AGBL4: variants seen among roughly 807,000 people sequenced by gnomAD.
AGBL4 encodes the protein AGBL carboxypeptidase 4.
AGBL4 carries 58 observed loss-of-function variants against 66.4 expected under a neutral mutation model. The ratio of observed to expected loss-of-function variants is 0.87; its 90% CI spans 0.71 to 1.09. AGBL4 has a LOEUF of 1.09. AGBL4 is among the 50% of genes least tolerant of loss of function. AGBL4 has a pLI of 0.00. For synonymous variants in AGBL4, 234 were observed against 222.9 expected, an observed-to-expected ratio of 1.05 and a Z score of -0.44; for missense variants, 579 against 631.0, an observed-to-expected ratio of 0.92 and a Z score of 0.88.
chr1:49,835,985 A>C (rs1263202065), intron 2 of AGBL4, among the ~76,000 whole-genome samples: 1 of 152,100 alleles, frequency 6.6e-6, no homozygotes, highest in Non-Finnish European at 1.5e-5. Context: ...GGGTAACCCA[A>C]CCTTTCTCTC....
chr1:49,163,599 C>A (rs1388838974), intron 4 of AGBL4, among the ~76,000 whole-genome samples: 1 of 152,114 alleles, frequency 6.6e-6, no homozygotes, highest in Non-Finnish European at 1.5e-5. Context: ...TTAAAGGCTG[C>A]AGCAACAAAA....
intron 2 of AGBL4, among the ~76,000 whole-genome samples, chr1:49,811,610 T>A (rs1031964451): frequency 1.3e-5 from 2 of 152,098 alleles, no homozygotes; most frequent in African/African-American, 2.4e-5. Flanking sequence ...ATTATAATGA[T>A]ATTCACCATA....
At chr1:49,446,294 T>A (rs568801273) in intron 3 of AGBL4, among the ~76,000 whole-genome samples, 23 of 152,364 alleles carry the variant, frequency 1.5e-4, no homozygotes, top group Middle Eastern at 3.4e-3. Context: ...GCAAACCTTG[T>A]GTTAACAGTC....
At chr1:48,590,756 C>G in intron 10 of AGBL4, 77 bp downstream of exon 10, 1 of 1,479,690 alleles carries the variant, frequency 6.8e-7, no homozygotes. Flanking sequence ...TTAAAGCAAA[C>G]TGAACTGAGT....
chr1:48,776,488 G>A (rs1349717763), intron 6 of AGBL4: 4 of 747,288 alleles, frequency 5.4e-6, no homozygotes, highest in African/African-American at 1.9e-5. Context: ...GACGGGAGAA[G>A]GAGGCAGGAA....
At chr1:49,191,648 G>A (rs548729193) in intron 4 of AGBL4, among the ~76,000 whole-genome samples, 16 of 152,158 alleles carry the variant, frequency 1.1e-4, no homozygotes, top group Non-Finnish European at 2.1e-4. Context: ...AGTATCTGCT[G>A]TTCCCGTTTT....
chr1:48,720,487 T>G (rs1647128119), intron 6 of AGBL4, among the ~76,000 whole-genome samples: 1 of 152,214 alleles, frequency 6.6e-6, no homozygotes, highest in Non-Finnish European at 1.5e-5. Context: ...CAGTTCAGGC[T>G]CCTCCAGATC....
At position 49,073,874 on chromosome 1, in the gene AGBL4, C is replaced by G. The variant is rs372342943; in HGVS notation, c.378-28074G>C. On this transcript the variant is annotated intron_variant, in intron 4 of 13. Transcript: ENST00000371839. ...ACAGCTGCCCTTTCCCCCAGGTGCT[C>G]TGTCTCAGGAAGATGGGGGTTTTAT... Among the ~76,000 whole-genome samples, 48 of 152,330 alleles carry G rather than the reference C, an allele frequency of 3.2e-4. No homozygotes were observed. In the East Asian group the frequency reaches 3.9e-3, roughly 12 times the overall value.
At chr1:49,347,880 C>CA (rs953659799) in intron 3 of AGBL4, among the ~76,000 whole-genome samples, 1 of 151,472 alleles carries the variant, frequency 6.6e-6, no homozygotes, top group Admixed American at 6.6e-5. Context: ...ACAGCAACAA[C>CA]AAAAAAACTT....
intron 3 of AGBL4, among the ~76,000 whole-genome samples, chr1:49,630,451 G>A (rs567577000): frequency 3.9e-5 from 6 of 152,012 alleles, no homozygotes; most frequent in South Asian, 2.1e-4. Flanking sequence ...TTCCTTTATC[G>A]TGTGTCAGGG....
chr1:49,566,963 T>G (rs1229752275), intron 3 of AGBL4, among the ~76,000 whole-genome samples: 2 of 152,192 alleles, frequency 1.3e-5, no homozygotes, highest in Non-Finnish European at 2.9e-5. Context: ...AGCTTCCCTC[T>G]CGGCTGCTTT....
At chr1:49,016,278 G>A (rs953853704) in intron 5 of AGBL4, among the ~76,000 whole-genome samples, 5 of 152,152 alleles carry the variant, frequency 3.3e-5, no homozygotes, top group African/African-American at 9.7e-5. Flanking sequence ...TGCCTAATGC[G>A]GGGAGGCAGT....
intron 5 of AGBL4, among the ~76,000 whole-genome samples, chr1:49,002,215 A>G (rs1661442962): frequency 6.6e-6 from 1 of 152,222 alleles, no homozygotes; most frequent in Admixed American, 6.5e-5. Flanking sequence ...TGACTGAGAA[A>G]TAACAGTAGC....
chr1:49,746,775 T>C (rs1193672470), intron 2 of AGBL4, among the ~76,000 whole-genome samples: 1 of 152,108 alleles, frequency 6.6e-6, no homozygotes, highest in African/African-American at 2.4e-5. Context: ...TACTTGATTC[T>C]AAACCAAGCC....
At chr1:48,680,240 G>A (rs61774566) in intron 6 of AGBL4, among the ~76,000 whole-genome samples, 125 of 152,322 alleles carry the variant, frequency 8.2e-4, no homozygotes, top group Non-Finnish European at 1.5e-3. Flanking sequence ...GCACAAAGTC[G>A]TTTCCCTTGT....
At chr1:49,159,542 G>A (rs1456597069) in intron 4 of AGBL4, among the ~76,000 whole-genome samples, 1 of 151,972 alleles carries the variant, frequency 6.6e-6, no homozygotes, top group African/African-American at 2.4e-5. Context: ...TTGTGTCTTG[G>A]GGTTGCTCTT....
chr1:49,959,046 C>T (rs1019532776), intron 1 of AGBL4, among the ~76,000 whole-genome samples: 1 of 151,356 alleles, frequency 6.6e-6, no homozygotes, highest in South Asian at 2.1e-4. Context: ...AAAATTCTAC[C>T]TTTGACTAGG....
At chr1:49,357,970 T>C (rs1330204787) in intron 3 of AGBL4, among the ~76,000 whole-genome samples, 2 of 152,122 alleles carry the variant, frequency 1.3e-5, no homozygotes, top group Non-Finnish European at 2.9e-5. Flanking sequence ...GGCTCATCTC[T>C]CTCACCCATC....
intron 1 of AGBL4, among the ~76,000 whole-genome samples, chr1:50,003,124 C>G (rs1043403671): frequency 1.3e-5 from 2 of 152,028 alleles, no homozygotes; most frequent in Non-Finnish European, 2.9e-5. Flanking sequence ...GAAAAATACA[C>G]AAAATTAAGA....
Sources: allele counts gnomAD v4.1 joint callset (sites outside exome capture counted in the v4.1 genomes callset), GRCh38; gene constraint gnomAD v4.1.1; transcripts MANE v1.5; gene names NCBI Gene and HGNC (gene_info 2026-07-23, HGNC 2026-07-21).